Variants in KLK15 observed in about 807,000 individuals in gnomAD.
The protein encoded by KLK15 is kallikrein-15.
A neutral mutation model predicts 21.1 loss-of-function variants in KLK15; 19 were observed. The observed-to-expected ratio is 0.90, with a 90% CI of 0.63 to 1.32. The LOEUF (loss-of-function observed/expected upper bound fraction) is 1.32, where lower values mean the gene tolerates loss of function less well. KLK15 is among the 40% of genes most tolerant of loss of function. The pLI, the probability that KLK15 is intolerant of heterozygous loss-of-function variation, is 0.00. For missense variants in KLK15, 345 were observed against 348.6 expected (o/e 0.99, Z 0.08); for synonymous variants, 141 against 141.5 (o/e 1.00, Z 0.03).
intron 3 of KLK15, 22 bp downstream of exon 4, chr19:50,826,856 C>G (rs574271753): frequency 6.4e-7 from 1 of 1,554,456 alleles, no homozygotes; most frequent in Non-Finnish European, 8.7e-7. Context: ...GGCCTCGCAT[C>G]CAGCTCCATC....
intron 2 of KLK15, 35 bp downstream of exon 3, chr19:50,827,627 G>C: frequency 1.3e-6 from 2 of 1,597,544 alleles, no homozygotes; most frequent in Non-Finnish European, 1.7e-6. Flanking sequence ...CCCCGAACCA[G>C]GCTCCCTCAG....
In KLK15 at chr19:50,831,437, G is replaced by C. The variant is rs2089983705; in HGVS notation, c.43+13C>G. On this transcript the variant is annotated intron_variant, in intron 1 of 4. Transcript: ENST00000598239. ...GCTCCCACAGACCTGGCCCCCTCCT[G>C]GGGCCACCTCACCTGTGGATGCCAG... The C allele has an allele frequency of 2.8e-6, 4 of 1,422,102 alleles. No individual in the cohort carries two copies. The Admixed American group carries it at 1.1e-4, about 38-fold the overall frequency. 88.1% of individuals were successfully genotyped at this position (1,422,102 alleles called of 1,614,324 possible).
Position 50,827,117 on chromosome 19 carries a change from T to C in KLK15, c.242A>G (p.Asp81Gly), listed in dbSNP as rs2089897815. 3 of 1,602,544 alleles carry C rather than the reference T, an allele frequency of 1.9e-6. No homozygotes were observed. Among genetic ancestry groups the C allele is most frequent in the Non-Finnish European group, 2.5e-6 (3 of 1,179,214 alleles). Reference sequence around the variant, plus strand: ...CGTGGTCCGTAGTTGCTCTGGGCCATCGCGCTTGCGCAGGTTGTGCTCTCC... The same window carrying C: ...CGTGGTCCGTAGTTGCTCTGGGCCACCGCGCTTGCGCAGGTTGTGCTCTCC... The change falls in exon 3 of 5, where the codon GAT becomes GGT. Residue 81 changes from aspartate to glycine, a missense_variant. Coordinates refer to ENST00000598239, the Ensembl canonical transcript of KLK15.
At position 50,827,739 on chromosome 19, in the gene KLK15, G is replaced by T; in HGVS notation, c.120C>A (p.Tyr40Ter). The change falls in exon 2 of 5, where the codon TAC (tyrosine) becomes TAA (stop). Residue 40 changes from tyrosine to a stop codon, truncating the protein, a stop_gained. Transcript: ENST00000598239. LOFTEE classifies it high-confidence loss of function. Reference sequence around the variant, plus strand: ...CGCCACAGTTAAAGCGTCCACGCTCGTAGAGAGCCACTTGCCATGGCTGGG... The same window carrying T: ...CGCCACAGTTAAAGCGTCCACGCTCTTAGAGAGCCACTTGCCATGGCTGGG... The T allele has an allele frequency of 6.2e-7, 1 of 1,611,214 alleles. No homozygotes were observed. Among genetic ancestry groups the T allele is most frequent in the Non-Finnish European group, 8.5e-7 (1 of 1,177,604 alleles).
chr19:50,829,838 A>C (rs1400593754), intron 1 of KLK15, among the ~76,000 whole-genome samples: 5 of 151,446 alleles, frequency 3.3e-5, no homozygotes, highest in African/African-American at 9.7e-5. Context: ...AACAAACAAA[A>C]AAAAGTCAAG....
chr19:50,827,975 C>T (rs1218119276), intron 1 of KLK15, among the ~76,000 whole-genome samples, 160 bp from the exon 3 acceptor site: 3 of 151,350 alleles, frequency 2.0e-5, no homozygotes, highest in Non-Finnish European at 4.4e-5. Context: ...GTTTTTGAGA[C>T]GGAGTCTCAC....
Position 50,827,624 on chromosome 19 carries a change from C to T in KLK15, c.197+38G>A, listed in dbSNP as rs2089906784. ...AAATCTAGGAGCTCTTCCCCCCGAA[C>T]CAGGCTCCCTCAGGACCCTGAGCCC... On this transcript the variant is annotated intron_variant, in intron 2 of 4. Transcript: ENST00000598239. The T allele has an allele frequency of 4.4e-6, 7 of 1,593,728 alleles. 2 individuals are homozygous for T. Among genetic ancestry groups the T allele is most frequent in the Middle Eastern group, 3.6e-4 (2 of 5,604 alleles).
At chr19:50,825,647 G>A, downstream of KLK15, 1 of 691,608 alleles carries the variant, frequency 1.4e-6, no homozygotes, top group Non-Finnish European at 2.3e-6. Context: ...CGCCAGCTTT[G>A]TCCTCAGGTG....
At chr19:50,827,011 T>C (rs996412403) in exon 3 of KLK15, 45 of 1,605,864 alleles carry the variant, frequency 2.8e-5, no homozygotes, top group Admixed American at 5.0e-5. Context: ...GGTTCAGGCG[T>C]GCGGGCTGGA....
rs139927076 is a variant in KLK15 at position 50,826,973 on chromosome 19, G to T, written c.386C>A (p.Thr129Lys). ...GGCCTCCCCCGGGTGGGGGCAACGC[G>T]TGGGTAGCACCGCGGGGCGCACCTG... is the stretch of plus-strand genomic sequence containing the variant. Residue 129 changes from threonine (T) to lysine (K), a missense_variant, in exon 3 of 5, where the codon ACG becomes AAG. By Grantham distance (78) the Thr-to-Lys change is moderately conservative (BLOSUM62 -1). Transcript: ENST00000598239. 1.9e-6 allele frequency: 3 copies of T among 1,606,360 alleles called. No homozygotes were observed. In the African/African-American group the frequency reaches 4.0e-5, roughly 21 times the overall value.
upstream of KLK15, among the ~76,000 whole-genome samples, chr19:50,832,867 G>T (rs1447918457): frequency 6.6e-6 from 1 of 152,152 alleles, no homozygotes; most frequent in East Asian, 1.9e-4. Context: ...GCTCCCCGAG[G>T]AGCTGGTCTG....
At chr19:50,831,403 G>A in intron 1 of KLK15, 47 bp downstream of exon 2, 1 of 1,343,550 alleles carries the variant, frequency 7.4e-7, no homozygotes, top group South Asian at 1.7e-5. Flanking sequence ...GCTTGGGAAG[G>A]GGGCACCTGC....
intron 4 of KLK15, 28 bp downstream of exon 5, chr19:50,826,593 C>A (rs906079463): frequency 1.3e-6 from 2 of 1,558,108 alleles, no homozygotes; most frequent in South Asian, 1.2e-5. Context: ...CCCTCTTCTT[C>A]CGCCTGATGG....
At position 50,827,820 on chromosome 19, in the gene KLK15, G is replaced by A; in HGVS notation, c.44-5C>T. On this transcript the variant is annotated splice_region_variant and splice_polypyrimidine_tract_variant and intron_variant, in intron 1 of 4. Coordinates refer to ENST00000598239, the Ensembl canonical transcript of KLK15. Reference sequence around the variant, plus strand: ...ACTTGTCACCATCCTGGGCTGCTAAGAGAAGGGGTAGAGGATGCCTGAGGA... The same window carrying A: ...ACTTGTCACCATCCTGGGCTGCTAAAAGAAGGGGTAGAGGATGCCTGAGGA... 1.9e-6 allele frequency: 3 copies of A among 1,611,056 alleles called. 1 individual carries two copies. The highest frequency in any genetic ancestry group is 2.5e-6 in the Non-Finnish European group (3 of 1,177,504).
In KLK15 at chr19:50,826,768, CAGT is replaced by C. The variant is rs769032353; in HGVS notation, c.482-14_482-12del. On this transcript the variant is annotated splice_polypyrimidine_tract_variant and intron_variant, in intron 3 of 4. Coordinates refer to ENST00000598239, the Ensembl canonical transcript of KLK15. ...TATCTGGGAGACTCACTGGGGAAGA[CAGT>C]GGACTTGGAGCAGATCCATAAATTC... The C allele has an allele frequency of 3.7e-6, 6 of 1,607,180 alleles. No homozygotes were observed. The highest frequency in any genetic ancestry group is 5.1e-6 in the Non-Finnish European group (6 of 1,176,998).
At chr19:50,825,656 TG>T, downstream of KLK15, 2 of 778,804 alleles carry the variant, frequency 2.6e-6, no homozygotes, top group Non-Finnish European at 4.0e-6. Flanking sequence ...TGTCCTCAGG[TG>T]GGACAAGTCC....
chr19:50,827,252 G>C, intron 2 of KLK15, 91 bp from the exon 4 acceptor site: 38 of 1,215,984 alleles, frequency 3.1e-5, no homozygotes, highest in Non-Finnish European at 4.0e-5. Context: ...TGGGCAACCC[G>C]AGGTCTCCCG....
upstream of KLK15, among the ~76,000 whole-genome samples, chr19:50,832,096 C>T (rs1198820517): frequency 6.6e-6 from 1 of 150,854 alleles, no homozygotes; most frequent in Non-Finnish European, 1.5e-5. Context: ...GCTGGGATTA[C>T]AGGCATGAGC....
At chr19:50,828,481 G>C (rs1417115194) in intron 1 of KLK15, among the ~76,000 whole-genome samples, 3 of 151,740 alleles carry the variant, frequency 2.0e-5, no homozygotes, top group Non-Finnish European at 2.9e-5. Flanking sequence ...TGGCCACTCA[G>C]TATGTGTGAC....
Sources: gnomAD v4.1 joint callset for allele counts (sites outside exome capture counted in the v4.1 genomes callset) on GRCh38, gnomAD v4.1.1 for gene constraint, MANE v1.5 for transcripts, NCBI Gene and HGNC (gene_info 2026-07-23, HGNC 2026-07-21) for gene names.